ADGRV1: variants seen among roughly 807,000 people sequenced by gnomAD.
The protein encoded by ADGRV1 is adhesion G protein-coupled receptor V1.
Under a neutral mutation model 596.2 loss-of-function variants are expected in ADGRV1, and 359 were observed. The observed-to-expected ratio is 0.60, with a 90% CI of 0.55 to 0.66. The LOEUF is 0.66. Among genes scored for constraint, ADGRV1 ranks in the 30% least tolerant of loss-of-function variants. The pLI, the probability that ADGRV1 is intolerant of heterozygous loss-of-function variation, is 0.00. For synonymous variants in ADGRV1, 2,681 were observed against 2,679.2 expected, an observed-to-expected ratio of 1.00 and a Z score of -0.02; for missense variants, 7,274 against 7,575.6, an observed-to-expected ratio of 0.96 and a Z score of 1.48.
At chr5:91,100,573 A>G (rs1372146032) in intron 86 of ADGRV1, among the ~76,000 whole-genome samples, 1 of 152,214 alleles carries the variant, frequency 6.6e-6, no homozygotes, top group Non-Finnish European at 1.5e-5. Flanking sequence ...AAGCAGGAAT[A>G]TATTAGTCTA....
intron 78 of ADGRV1, among the ~76,000 whole-genome samples, chr5:90,843,798 G>A (rs778458912): frequency 6.6e-6 from 1 of 152,148 alleles, no homozygotes; most frequent in African/African-American, 2.4e-5. Flanking sequence ...TTCTTATAAC[G>A]ATAAAAACTG....
intron 85 of ADGRV1, among the ~76,000 whole-genome samples, chr5:91,002,519 T>C (rs1409839879): frequency 1.3e-5 from 2 of 152,172 alleles, no homozygotes; most frequent in African/African-American, 4.8e-5. Flanking sequence ...ACAACCTTTA[T>C]TTGGGCCTTA....
chr5:91,124,925 T>C (rs180844487), intron 87 of ADGRV1, among the ~76,000 whole-genome samples: 30 of 152,308 alleles, frequency 2.0e-4, no homozygotes, highest in Admixed American at 2.0e-3. Context: ...AAAAGTGAGA[T>C]TTAAGAGTCT....
At position 90,672,727 on chromosome 5, in the gene ADGRV1, A is replaced by AC. The variant is rs772265466; in HGVS notation, c.4929+8dup. The AC allele has an allele frequency of 2.0e-5, 31 of 1,584,520 alleles. No homozygotes were observed. The highest frequency in any genetic ancestry group is 2.7e-5 in the Non-Finnish European group (31 of 1,163,858). Reference sequence around the variant, plus strand: ...CTTCCTTGGCAGAGATCAGAGGTAAACCCTACCTTTTTTGTTCCTTTGAAA... The same window carrying AC: ...CTTCCTTGGCAGAGATCAGAGGTAAACCCCTACCTTTTTTGTTCCTTTGAAA... On this transcript the variant is annotated splice_donor_region_variant and intron_variant, in intron 22 of 89. Transcript: ENST00000405460.
Position 90,629,209 on chromosome 5 carries a change from G to A in ADGRV1, c.1510-1G>A. ...TTTAATATTTTATTCCTTTACTTCA[G>A]CTTTTGTTCTACATTCAGGATAGTG... On this transcript the variant is annotated splice_acceptor_variant, in intron 8 of 89. Transcript: ENST00000405460. LOFTEE classifies it high-confidence loss of function. 6.6e-7 allele frequency: 1 copy of A among 1,515,870 alleles called. No homozygotes were observed. Among genetic ancestry groups the A allele is most frequent in the East Asian group, 2.3e-5 (1 of 43,818 alleles). 93.9% of individuals were successfully genotyped at this position (1,515,870 alleles called of 1,614,324 possible).
chr5:91,144,421 T>A (rs940115074), intron 87 of ADGRV1, among the ~76,000 whole-genome samples: 1 of 152,102 alleles, frequency 6.6e-6, no homozygotes, highest in African/African-American at 2.4e-5. Flanking sequence ...TCCTCCTGCT[T>A]AGCATCCTGA....
At chr5:90,916,694 G>A (rs950698339) in intron 83 of ADGRV1, among the ~76,000 whole-genome samples, 3 of 144,062 alleles carry the variant, frequency 2.1e-5, no homozygotes, top group Non-Finnish European at 4.5e-5. Flanking sequence ...GTGCAGTGGC[G>A]GGATCTCGGC....
intron 83 of ADGRV1, among the ~76,000 whole-genome samples, chr5:90,960,647 A>G (rs568472994): frequency 7.1e-4 from 108 of 152,346 alleles, no homozygotes; most frequent in Middle Eastern, 3.4e-3. Context: ...AGGAAAGTCT[A>G]GGAATCTGCC....
intron 83 of ADGRV1, among the ~76,000 whole-genome samples, chr5:90,962,788 G>A (rs1177726445): frequency 6.6e-6 from 1 of 152,082 alleles, no homozygotes; most frequent in African/African-American, 2.4e-5. Context: ...AAGTAGATTT[G>A]TAACTGATCT....
chr5:90,791,703 C>T (rs1158101303), intron 70 of ADGRV1: 2 of 183,404 alleles, frequency 1.1e-5, no homozygotes, highest in African/African-American at 4.7e-5. Context: ...TTATAGGCTT[C>T]TTTGTGCTTC....
chr5:91,151,509 C>T (rs567226996), intron 88 of ADGRV1, among the ~76,000 whole-genome samples: 1 of 152,228 alleles, frequency 6.6e-6, no homozygotes, highest in South Asian at 2.1e-4. Flanking sequence ...AGTACGATTT[C>T]TCTATCCCCA....
chr5:90,739,701 G>A (rs1402972410), intron 50 of ADGRV1, among the ~76,000 whole-genome samples: 2 of 152,202 alleles, frequency 1.3e-5, no homozygotes. Flanking sequence ...GGATAGTGCT[G>A]TGGTTTGGGA....
At chr5:90,689,173 G>A (rs2149611962) in intron 29 of ADGRV1, among the ~76,000 whole-genome samples, 1 of 152,056 alleles carries the variant, frequency 6.6e-6, no homozygotes, top group South Asian at 2.1e-4. Context: ...AATAAACCAG[G>A]CCCATCTAAT....
At chr5:91,137,195 C>A (rs1385633063) in intron 87 of ADGRV1, among the ~76,000 whole-genome samples, 5 of 152,030 alleles carry the variant, frequency 3.3e-5, no homozygotes, top group African/African-American at 1.2e-4. Context: ...AAACGATCCT[C>A]CTGCCTCAGC....
In ADGRV1 at chr5:90,755,285, G is replaced by C. The variant is rs1406515686; in HGVS notation, c.11580+100G>C. On this transcript the variant is annotated intron_variant, in intron 55 of 89. Transcript: ENST00000405460. ...AGTAAAAATCTTTTTTTTAATAAAA[G>C]GATTCTTTTAAACATAAAAATGTAA... 9.5e-6 allele frequency: 7 copies of C among 735,588 alleles called. 1 individual carries two copies. The East Asian group carries it at 1.6e-4, about 17-fold the overall frequency. The allele number at this position is 735,588 out of a possible 1,614,324, so 45.6% of individuals were successfully genotyped here.
At chr5:90,731,466 C>G (rs922568401) in intron 50 of ADGRV1, among the ~76,000 whole-genome samples, 6 of 152,108 alleles carry the variant, frequency 3.9e-5, no homozygotes, top group African/African-American at 1.4e-4. Context: ...ATACCATTTG[C>G]TCTGTGAGGG....
At chr5:91,154,763 G>C (rs1796334761) in intron 89 of ADGRV1, among the ~76,000 whole-genome samples, 1 of 152,180 alleles carries the variant, frequency 6.6e-6, no homozygotes, top group Admixed American at 6.5e-5. Context: ...TTCACAGGGT[G>C]GCAGGACAGA....
chr5:90,862,484 A>C (rs1767699949), intron 82 of ADGRV1, among the ~76,000 whole-genome samples: 1 of 152,154 alleles, frequency 6.6e-6, no homozygotes, highest in African/African-American at 2.4e-5. Flanking sequence ...CAAAGTATGC[A>C]TTACTTGAGT....
chr5:90,817,590 G>A (rs1178508948), intron 75 of ADGRV1, among the ~76,000 whole-genome samples: 15 of 151,946 alleles, frequency 9.9e-5, no homozygotes, highest in Admixed American at 5.9e-4. Flanking sequence ...TGATTTTTGT[G>A]TAAGGTGTAA....
Sources: allele counts gnomAD v4.1 joint callset (sites outside exome capture counted in the v4.1 genomes callset), GRCh38; gene constraint gnomAD v4.1.1; transcripts MANE v1.5; gene names NCBI Gene and HGNC (gene_info 2026-07-23, HGNC 2026-07-21).